ADGRV1: variants seen among roughly 807,000 people sequenced by gnomAD.
The protein encoded by ADGRV1 is adhesion G protein-coupled receptor V1.
In ADGRV1, 359 loss-of-function variants were observed where a neutral mutation model predicts 596.2. The ratio of observed to expected loss-of-function variants is 0.60; its 90% CI spans 0.55 to 0.66. The LOEUF (loss-of-function observed/expected upper bound fraction) is 0.66. Ranked by LOEUF, ADGRV1 falls within the 30% of genes least tolerant of loss-of-function variation. The pLI, the probability that ADGRV1 is intolerant of heterozygous loss-of-function variation, is 0.00. For synonymous variants in ADGRV1, 2,681 were observed against 2,679.2 expected (o/e 1.00, Z -0.02); for missense variants, 7,274 against 7,575.6 (o/e 0.96, Z 1.48).
chr5:90,925,130 A>G (rs1352388405), intron 83 of ADGRV1, among the ~76,000 whole-genome samples: 1 of 152,160 alleles, frequency 6.6e-6, no homozygotes, highest in South Asian at 2.1e-4. Context: ...TTTTGGTTCC[A>G]TACTAACTTT....
chr5:91,083,023 T>A (rs74480193), intron 86 of ADGRV1, among the ~76,000 whole-genome samples: 1 of 152,112 alleles, frequency 6.6e-6, no homozygotes, highest in Non-Finnish European at 1.5e-5. Context: ...GGAAAATGGG[T>A]TTACCAGTAC....
At chr5:91,067,404 A>G (rs369435662) in intron 85 of ADGRV1, among the ~76,000 whole-genome samples, 9 of 152,032 alleles carry the variant, frequency 5.9e-5, no homozygotes, top group Admixed American at 5.2e-4. Flanking sequence ...CAGCCTCCCA[A>G]AGTGCTGGGA....
chr5:90,584,947 A>C (rs903065791), intron 1 of ADGRV1, among the ~76,000 whole-genome samples: 3 of 152,178 alleles, frequency 2.0e-5, no homozygotes, highest in Non-Finnish European at 4.4e-5. Context: ...TATTAATTAA[A>C]ATAATAACAA....
At position 90,763,459 on chromosome 5, in the gene ADGRV1, A is replaced by G. The variant is rs2150015827; in HGVS notation, c.12275A>G (p.His4092Arg). 1.2e-6 allele frequency: 2 copies of G among 1,612,322 alleles called. No individual in the cohort carries two copies. Among genetic ancestry groups the G allele is most frequent in the Admixed American group, 1.7e-5 (1 of 59,982 alleles). The part of the protein sequence containing the change: ...HNLSPLNGTL[H>R]FDETESQKTI... ...CTTAGTCCTTTGAATGGGACCCTTC[A>G]TTTTGATGAGGTATAGTCAGCATTA... The change falls in exon 59 of 90, where the codon CAT becomes CGT. Residue 4092 changes from histidine (H) to arginine (R), a missense_variant. This residue lies in a region of ADGRV1 where 3,643 missense variants were observed against 3,809.2 expected (regional missense o/e 0.96). Transcript: ENST00000405460.
intron 78 of ADGRV1, among the ~76,000 whole-genome samples, chr5:90,846,802 A>G (rs1765926979): frequency 6.6e-6 from 1 of 152,180 alleles, no homozygotes; most frequent in Non-Finnish European, 1.5e-5. Context: ...TTATTCTCTT[A>G]TCTGGCCCCA....
At chr5:91,013,867 T>G (rs1333818323) in intron 85 of ADGRV1, among the ~76,000 whole-genome samples, 1 of 152,040 alleles carries the variant, frequency 6.6e-6, no homozygotes, top group Non-Finnish European at 1.5e-5. Context: ...TAATTCATCT[T>G]GAATTGATTT....
chr5:90,681,409 C>T lies in ADGRV1; in HGVS notation c.5619C>T (p.Val1873=), dbSNP rs372007454. Residue 1873 remains valine (V), a synonymous_variant, in exon 27 of 90, where the codon GTC becomes GTT. Coordinates refer to ENST00000405460, the MANE Select transcript of ADGRV1 (RefSeq NM_032119.4). ...VFEFSPESLF[V]SGTEPEDGYS... is the part of the protein sequence containing the mutation. Reference sequence around the variant, plus strand: ...AATTTAGCCCTGAGTCACTCTTTGTCAGTGGAACTGAACCAGAAGATGGGT... The same window carrying T: ...AATTTAGCCCTGAGTCACTCTTTGTTAGTGGAACTGAACCAGAAGATGGGT... The T allele has an allele frequency of 1.2e-6, 2 of 1,613,724 alleles. No individual in the cohort carries two copies. The highest frequency in any genetic ancestry group is 1.7e-6 in the Non-Finnish European group (2 of 1,179,784).
At chr5:91,154,616 C>T (rs766353038) in intron 89 of ADGRV1, among the ~76,000 whole-genome samples, 44 of 152,308 alleles carry the variant, frequency 2.9e-4, no homozygotes, top group Non-Finnish European at 4.9e-4. Flanking sequence ...TCCATTCTCA[C>T]ACTGCTATGA....
chr5:90,929,936 T>C (rs75413371), intron 83 of ADGRV1, among the ~76,000 whole-genome samples: 1,905 of 152,300 alleles, frequency 0.013, 45 homozygotes, highest in African/African-American at 0.044. Flanking sequence ...CCATTTCTGC[T>C]TGTATTTTAG....
At chr5:90,595,892 C>A (rs1031012012) in intron 1 of ADGRV1, among the ~76,000 whole-genome samples, 1 of 148,838 alleles carries the variant, frequency 6.7e-6, no homozygotes, top group Non-Finnish European at 1.5e-5. Flanking sequence ...GGGGGCTGAC[C>A]CCCCCCACCT....
chr5:90,835,237 A>C (rs1413317492), intron 77 of ADGRV1, among the ~76,000 whole-genome samples: 1 of 152,202 alleles, frequency 6.6e-6, no homozygotes. Context: ...TGGTTATTGC[A>C]GCCATATCTG....
chr5:91,112,690 T>A (rs555458353), intron 87 of ADGRV1, among the ~76,000 whole-genome samples: 47 of 151,626 alleles, frequency 3.1e-4, no homozygotes, highest in East Asian at 2.9e-3. Context: ...ATACATTTTT[T>A]AAAAAAAAAC....
At chr5:91,102,907 A>C (rs569308576) in intron 87 of ADGRV1, among the ~76,000 whole-genome samples, 2 of 152,364 alleles carry the variant, frequency 1.3e-5, no homozygotes, top group Non-Finnish European at 2.9e-5. Flanking sequence ...GATTTTTAGT[A>C]CTTTTGTTAA....
chr5:91,120,779 C>G (rs1375524999), intron 87 of ADGRV1, among the ~76,000 whole-genome samples: 1 of 152,184 alleles, frequency 6.6e-6, no homozygotes, highest in African/African-American at 2.4e-5. Context: ...AAAAGTCACT[C>G]ATTCTAAGTC....
At chr5:90,809,080 G>A (rs1762184272) in intron 73 of ADGRV1, among the ~76,000 whole-genome samples, 1 of 151,530 alleles carries the variant, frequency 6.6e-6, no homozygotes, top group South Asian at 2.1e-4. Context: ...CCGAGTAGCT[G>A]GGAGTAGTTG....
Position 90,706,245 on chromosome 5 carries a change from A to C in ADGRV1, c.8581A>C (p.Thr2861Pro). The change falls in exon 38 of 90, where the codon ACA (threonine) becomes CCA (proline). Residue 2861 changes from threonine (T) to proline (P), a missense_variant. Coordinates refer to ENST00000405460, the MANE Select transcript of ADGRV1 (RefSeq NM_032119.4). ...EFGSLGAINV[T>P]YTTVPGMLSL... is the part of the protein sequence containing the mutation. ...TATTCAATTAGGAGCTATCAATGTC[A>C]CATATACCACGGTTCCTGGAATGCT... 1 of 1,610,034 alleles carries C rather than the reference A, an allele frequency of 6.2e-7. No homozygotes were observed. The highest frequency in any genetic ancestry group is 8.5e-7 in the Non-Finnish European group (1 of 1,178,684).
intron 17 of ADGRV1, among the ~76,000 whole-genome samples, chr5:90,650,963 A>G (rs1180344201): frequency 6.6e-6 from 1 of 152,168 alleles, no homozygotes; most frequent in Non-Finnish European, 1.5e-5. Flanking sequence ...AGAGATAGGC[A>G]CTTCAGGGAA....
At chr5:90,889,026 G>A (rs1268209275) in intron 83 of ADGRV1, among the ~76,000 whole-genome samples, 1 of 152,084 alleles carries the variant, frequency 6.6e-6, no homozygotes, top group Non-Finnish European at 1.5e-5. Context: ...GTTGAATAAG[G>A]TGTGTACAAT....
intron 86 of ADGRV1, 41 bp from the exon 87 acceptor site, chr5:91,102,178 A>G (rs758696088): frequency 2.4e-5 from 37 of 1,568,116 alleles, no homozygotes; most frequent in Middle Eastern, 1.7e-4. Flanking sequence ...GTGACTGTGC[A>G]GTATTCTGAA....
Sources: allele counts gnomAD v4.1 joint callset (sites outside exome capture counted in the v4.1 genomes callset), GRCh38; gene constraint gnomAD v4.1.1; regional missense constraint gnomAD v4.1.1; transcripts MANE v1.5; gene names NCBI Gene and HGNC (gene_info 2026-07-23, HGNC 2026-07-21).